Variants in DIXDC1 observed in about 807,000 individuals in gnomAD.
DIXDC1 encodes dixin.
In DIXDC1, 64 loss-of-function variants were observed where a neutral mutation model predicts 103.1. The observed-to-expected ratio is 0.62, with a 90% CI of 0.51 to 0.76. The LOEUF (loss-of-function observed/expected upper bound fraction) is 0.76, where lower values mean the gene tolerates loss of function less well. Ranked by LOEUF, DIXDC1 falls within the 30% of genes least tolerant of loss-of-function variation. The pLI is 0.00. For synonymous variants in DIXDC1, 266 were observed against 298.5 expected (o/e 0.89, Z 1.12); for missense variants, 759 against 834.2 (o/e 0.91, Z 1.11).
upstream of DIXDC1, among the ~76,000 whole-genome samples, chr11:111,933,107 C>T (rs1012845111): frequency 1.4e-4 from 21 of 152,122 alleles, no homozygotes; most frequent in Non-Finnish European, 2.8e-4. Flanking sequence ...CAGTATAGAA[C>T]AAGCTAGACC....
intron 1 of DIXDC1, among the ~76,000 whole-genome samples, chr11:111,949,723 A>T (rs1306500311): frequency 2.6e-5 from 4 of 152,260 alleles, no homozygotes; most frequent in South Asian, 4.1e-4. Context: ...CTCCGCCCAC[A>T]CGCTACCCCC....
intron 9 of DIXDC1, among the ~76,000 whole-genome samples, chr11:111,987,328 A>G (rs1347749800): frequency 2.0e-5 from 3 of 152,052 alleles, no homozygotes; most frequent in Non-Finnish European, 4.4e-5. Flanking sequence ...TCTTTCCTGT[A>G]TCTGTATTAT....
chr11:111,950,741 C>G (rs1361374384), intron 1 of DIXDC1, among the ~76,000 whole-genome samples: 1 of 152,008 alleles, frequency 6.6e-6, no homozygotes, highest in Non-Finnish European at 1.5e-5. Flanking sequence ...TAGGCGTGAG[C>G]CACTGTGCCC....
rs587608830 is a variant in DIXDC1, at chr11:111,940,482, T to G, written c.60+2923T>G. 6.3e-4 allele frequency among the ~76,000 whole-genome samples: 96 copies of G among 152,314 alleles called. 1 individual carries two copies. The highest frequency in any genetic ancestry group is 2.3e-3 in the African/African-American group (95 of 41,584). ...TTTTCTCTGCTGCTTGATATTGGTG[T>G]TGTCCTATGAATGTTGTAAATGTGC... On this transcript the variant is annotated intron_variant, in intron 1 of 19. Coordinates refer to ENST00000440460, the MANE Select transcript of DIXDC1 (RefSeq NM_001037954.4).
upstream of DIXDC1, among the ~76,000 whole-genome samples, chr11:111,935,917 G>A (rs1966173944): frequency 6.6e-6 from 1 of 152,178 alleles, no homozygotes; most frequent in African/African-American, 2.4e-5. Flanking sequence ...TCAGGGAGAT[G>A]TGTTCTTTTT....
chr11:111,944,845 C>G (rs1213246299), intron 1 of DIXDC1, among the ~76,000 whole-genome samples: 1 of 152,206 alleles, frequency 6.6e-6, no homozygotes, highest in Non-Finnish European at 1.5e-5. Context: ...ACCATGAAAA[C>G]CTTCAGTTGT....
At chr11:112,001,148 C>T (rs897216797) in intron 17 of DIXDC1, among the ~76,000 whole-genome samples, 2 of 152,112 alleles carry the variant, frequency 1.3e-5, no homozygotes, top group African/African-American at 2.4e-5. Flanking sequence ...CATGCTACAA[C>T]GTGGATGAAC....
intron 1 of DIXDC1, among the ~76,000 whole-genome samples, chr11:111,944,316 A>G (rs1966522700): frequency 6.6e-6 from 1 of 152,206 alleles, no homozygotes; most frequent in Admixed American, 6.5e-5. Context: ...GCAGGAAAAC[A>G]TAGAGTCGCC....
At position 111,977,360 on chromosome 11, in the gene DIXDC1, C is replaced by G; in HGVS notation, c.656+2377C>G. 9.4e-7 allele frequency: 1 copy of G among 1,068,544 alleles called. No homozygotes were observed. Among genetic ancestry groups the G allele is most frequent in the Non-Finnish European group, 1.1e-6 (1 of 882,428 alleles). 66.2% of individuals were successfully genotyped at this position (1,068,544 alleles called of 1,614,324 possible). On this transcript the variant is annotated intron_variant, in intron 5 of 19. Coordinates refer to ENST00000440460, the MANE Select transcript of DIXDC1 (RefSeq NM_001037954.4). This position sits in a 1 kb window ranked among gnomAD's most constrained non-coding sequence, Gnocchi z 6.1. ...CGCCGCTGGGGACTCGAGGCGCAGCCTGCGCCGCCGGGAGCCTCCCTCCCA... is the reference window on the plus strand; with the variant it reads ...CGCCGCTGGGGACTCGAGGCGCAGCGTGCGCCGCCGGGAGCCTCCCTCCCA...
At chr11:112,013,989 CT>C (rs1861510313) in intron 17 of DIXDC1, among the ~76,000 whole-genome samples, 1 of 152,106 alleles carries the variant, frequency 6.6e-6, no homozygotes, top group East Asian at 1.9e-4. Flanking sequence ...GTGCCAGGCT[CT>C]TTTTAACAAG....
At chr11:111,994,354 C>T (rs952687148) in intron 14 of DIXDC1, among the ~76,000 whole-genome samples, 28 of 152,020 alleles carry the variant, frequency 1.8e-4, no homozygotes, top group African/African-American at 6.0e-4. Flanking sequence ...TGCCACTGCA[C>T]TCCAGCCTGG....
chr11:111,931,875 G>T (rs587647704), intron 2 of DIXDC1, among the ~76,000 whole-genome samples: 78 of 152,216 alleles, frequency 5.1e-4, no homozygotes, highest in African/African-American at 1.8e-3. Context: ...TTACTGATGT[G>T]GAGCTCTGAC....
At chr11:111,946,443 C>A (rs1039628420) in intron 1 of DIXDC1, among the ~76,000 whole-genome samples, 1 of 152,200 alleles carries the variant, frequency 6.6e-6, no homozygotes. Flanking sequence ...AGGCTGGTCT[C>A]GAACTCCTGA....
intron 1 of DIXDC1, among the ~76,000 whole-genome samples, chr11:111,939,135 A>G (rs181538633): frequency 6.6e-6 from 1 of 152,320 alleles, no homozygotes; most frequent in African/African-American, 2.4e-5. Context: ...CCAACTTAAC[A>G]ACAACAACAA....
At chr11:111,937,247 A>G, upstream of DIXDC1, 2 of 1,225,480 alleles carry the variant, frequency 1.6e-6, no homozygotes, top group Non-Finnish European at 1.0e-6. Context: ...AGCGCCGCTC[A>G]ACCTAGTGCG....
intron 10 of DIXDC1, 121 bp downstream of exon 10, chr11:111,989,176 A>C (rs958500426): frequency 5.3e-6 from 4 of 750,400 alleles, no homozygotes; most frequent in Admixed American, 3.3e-5. Flanking sequence ...ATTGGTAAAG[A>C]AAGGGCTTTG....
Position 112,021,429 on chromosome 11 carries a change from A to G in DIXDC1, c.*2393A>G, listed in dbSNP as rs1861754663. Reference sequence around the variant, plus strand: ...AGCCTTCTGAGCAGAAGTATGCAAGACTGATTCTGTTTGGAACAGTTTCCT... The same window carrying G: ...AGCCTTCTGAGCAGAAGTATGCAAGGCTGATTCTGTTTGGAACAGTTTCCT... On this transcript the variant is annotated 3_prime_UTR_variant, in exon 20 of 20. Coordinates refer to ENST00000440460, the MANE Select transcript of DIXDC1 (RefSeq NM_001037954.4). The G allele has an allele frequency of 6.6e-6, 1 of 152,110 alleles. No homozygotes were observed. Among genetic ancestry groups the G allele is most frequent in the Non-Finnish European group, 1.5e-5 (1 of 68,032 alleles). The allele number at this position is 152,110 out of a possible 1,614,324, so 9.4% of individuals were successfully genotyped here.
chr11:112,010,670 T>G (rs1438717092), intron 17 of DIXDC1, among the ~76,000 whole-genome samples: 1 of 152,224 alleles, frequency 6.6e-6, no homozygotes, highest in Admixed American at 6.5e-5. Flanking sequence ...CATCTGATCT[T>G]TGACAAACCT....
upstream of DIXDC1, among the ~76,000 whole-genome samples, chr11:111,935,804 G>C (rs2050659712): frequency 6.6e-6 from 1 of 152,192 alleles, no homozygotes; most frequent in Non-Finnish European, 1.5e-5. Context: ...ATGATTTGGT[G>C]TCTTAGCTTT....
Sources: gnomAD v4.1 joint callset for allele counts (sites outside exome capture counted in the v4.1 genomes callset) on GRCh38, gnomAD v4.1.1 for gene constraint, Gnocchi (gnomAD v3.1) non-coding constraint, MANE v1.5 for transcripts, NCBI Gene and HGNC (gene_info 2026-07-23, HGNC 2026-07-21) for gene names.